The following PPARG variants were observed in gnomAD, a reference collection of about 807,000 sequenced individuals.
PPARG encodes peroxisome proliferator-activated receptor gamma.
Under a neutral mutation model 39.2 loss-of-function variants are expected in PPARG, and 17 were observed. The ratio of observed to expected loss-of-function variants is 0.43; its 90% confidence interval spans 0.30 to 0.65. The LOEUF is 0.65. PPARG is among the 30% of genes least tolerant of loss of function. PPARG has a pLI of 0.13. For synonymous variants in PPARG, 223 were observed against 215.7 expected (o/e 1.03, Z -0.30); for missense variants, 406 against 585.9 (o/e 0.69, Z 3.17).
chr3:12,371,153 T>C (rs1437597582), intron 2 of PPARG, among the ~76,000 whole-genome samples: 1 of 152,192 alleles, frequency 6.6e-6, no homozygotes, highest in Non-Finnish European at 1.5e-5. Flanking sequence ...GTAAGTGCTC[T>C]ACATACATTA....
chr3:12,304,103 A>G (rs1021159616), intron 1 of PPARG, among the ~76,000 whole-genome samples: 1 of 152,182 alleles, frequency 6.6e-6, no homozygotes, highest in African/African-American at 2.4e-5. Flanking sequence ...TTTAATATTT[A>G]TAGTAAGTTC....
At chr3:12,288,063 G>C (rs17029008), upstream of PPARG, 20,395 of 152,212 alleles carry the variant, frequency 0.13, 1,485 homozygotes, top group Middle Eastern at 0.2. Flanking sequence ...CCGGCTGCTG[G>C]CTGGGCGGGG....
At chr3:12,371,893 G>A in intron 2 of PPARG, 1 of 706,082 alleles carries the variant, frequency 1.4e-6, no homozygotes, top group Non-Finnish European at 2.6e-6. Flanking sequence ...CTGTCATGAT[G>A]GGAGAGGAAT....
chr3:12,396,784 GACTA>G (rs2050280219), intron 5 of PPARG, among the ~76,000 whole-genome samples: 1 of 150,362 alleles, frequency 6.7e-6, no homozygotes, highest in African/African-American at 2.4e-5. Flanking sequence ...AAAGAATTGT[GACTA>G]GTGAATAATT....
At chr3:12,428,093 T>C (rs1018457597) in intron 7 of PPARG, among the ~76,000 whole-genome samples, 3 of 152,166 alleles carry the variant, frequency 2.0e-5, no homozygotes, top group African/African-American at 7.2e-5. Context: ...GGTTCCCTAA[T>C]TGAGACACCT....
intron 6 of PPARG, among the ~76,000 whole-genome samples, chr3:12,413,060 A>C (rs2050934729): frequency 6.6e-6 from 1 of 152,220 alleles, no homozygotes; most frequent in Admixed American, 6.5e-5. Context: ...AAATACAAAA[A>C]AACAGCCATG....
intron 2 of PPARG, among the ~76,000 whole-genome samples, chr3:12,325,935 ATATTT>A (rs1396882090): frequency 1.3e-5 from 2 of 152,192 alleles, no homozygotes; most frequent in Non-Finnish European, 2.9e-5. Flanking sequence ...GTTACCAATA[ATATTT>A]TCTTTATAAA....
intron 2 of PPARG, among the ~76,000 whole-genome samples, chr3:12,360,317 C>G (rs1029152131): frequency 6.6e-6 from 1 of 152,056 alleles, no homozygotes; most frequent in Admixed American, 6.6e-5. Flanking sequence ...GGCCTTAATA[C>G]TGTTTTATGA....
chr3:12,379,171 AT>A (rs1436396904), intron 2 of PPARG, among the ~76,000 whole-genome samples: 3 of 151,576 alleles, frequency 2.0e-5, no homozygotes, highest in African/African-American at 7.3e-5. Context: ...CACCCGGCCA[AT>A]TTTTGTATTT....
At chr3:12,337,181 C>T (rs1413065908) in intron 2 of PPARG, among the ~76,000 whole-genome samples, 1 of 152,146 alleles carries the variant, frequency 6.6e-6, no homozygotes, top group African/African-American at 2.4e-5. Context: ...ATAGAAATAT[C>T]TCATTGTGTT....
intron 1 of PPARG, among the ~76,000 whole-genome samples, chr3:12,299,825 T>G (rs540197268): frequency 2.6e-5 from 4 of 152,284 alleles, no homozygotes; most frequent in Middle Eastern, 3.4e-3. Flanking sequence ...GTTGGCTACT[T>G]TCTCTTTAAA....
At chr3:12,347,608 C>T (rs2048365108) in intron 2 of PPARG, among the ~76,000 whole-genome samples, 1 of 152,136 alleles carries the variant, frequency 6.6e-6, no homozygotes, top group Non-Finnish European at 1.5e-5. Context: ...GGCAGCCATT[C>T]TTTTGGGTAG....
At chr3:12,330,907 G>A (rs2047840718) in intron 2 of PPARG, among the ~76,000 whole-genome samples, 1 of 152,204 alleles carries the variant, frequency 6.6e-6, no homozygotes, top group African/African-American at 2.4e-5. Context: ...TGGGCTCTGA[G>A]AGTTTTAGAA....
chr3:12,352,056 T>A (rs1198494413), intron 2 of PPARG, among the ~76,000 whole-genome samples: 2 of 152,186 alleles, frequency 1.3e-5, no homozygotes, highest in South Asian at 2.1e-4. Context: ...ATGTTAGAGA[T>A]CTCTCATAAC....
intron 3 of PPARG, 152 bp downstream of exon 3, chr3:12,380,083 A>T: frequency 1.2e-6 from 1 of 830,192 alleles, no homozygotes; most frequent in South Asian, 1.5e-5. Flanking sequence ...ATGAAATATT[A>T]GGTATCTATG....
intron 2 of PPARG, among the ~76,000 whole-genome samples, chr3:12,341,328 T>C (rs2048179248): frequency 6.6e-6 from 1 of 152,206 alleles, no homozygotes; most frequent in African/African-American, 2.4e-5. Context: ...GATATGTAAG[T>C]GTTTTATGAT....
In PPARG at chr3:12,405,991, A is replaced by G; in HGVS notation, c.639A>G (p.Ala213=). The change falls in exon 6 of 8, where the codon GCA becomes GCG. Residue 213 remains alanine, a synonymous_variant. Coordinates refer to ENST00000651735, the MANE Select transcript of PPARG (RefSeq NM_138711.6). ...NPESADLRAL[A]KHLYDSYIKS... is the part of the protein sequence containing the mutation. ...AGTCCGCTGACCTCCGGGCCCTGGC[A>G]AAACATTTGTATGACTCATACATAA... 1 of 1,614,202 alleles carries G rather than the reference A, an allele frequency of 6.2e-7. No individual in the cohort carries two copies. Among genetic ancestry groups the G allele is most frequent in the Non-Finnish European group, 8.5e-7 (1 of 1,180,034 alleles).
In PPARG at chr3:12,364,549, A is replaced by G. The variant is rs187550540; in HGVS notation, c.-8-15155A>G. Among the ~76,000 whole-genome samples, 87 of 152,282 alleles carry G rather than the reference A, an allele frequency of 5.7e-4. 1 individual carries two copies. Among genetic ancestry groups the G allele is most frequent in the Admixed American group, 3.7e-3 (57 of 15,290 alleles). Reference sequence around the variant, plus strand: ...GGTTTTTTGTGGACTTAAGTTTTCAATTGATTTGTGTACCTACCAAGGAGT... The same window carrying G: ...GGTTTTTTGTGGACTTAAGTTTTCAGTTGATTTGTGTACCTACCAAGGAGT... On this transcript the variant is annotated intron_variant, in intron 2 of 7. Coordinates refer to ENST00000651735, the MANE Select transcript of PPARG (RefSeq NM_138711.6).
At chr3:12,302,409 G>A (rs2046951182) in intron 1 of PPARG, among the ~76,000 whole-genome samples, 1 of 152,146 alleles carries the variant, frequency 6.6e-6, no homozygotes, top group African/African-American at 2.4e-5. Context: ...TGGAGGTGAT[G>A]AACATGTTTT....
Sources: allele counts gnomAD v4.1 joint callset (sites outside exome capture counted in the v4.1 genomes callset), GRCh38; gene constraint gnomAD v4.1.1; transcripts MANE v1.5; gene names NCBI Gene and HGNC (gene_info 2026-07-23, HGNC 2026-07-21).